The following ALDH1A2 variants were observed in gnomAD, a reference collection of about 807,000 sequenced individuals.
ALDH1A2 encodes the protein retinal dehydrogenase 2.
Under a neutral mutation model 60.3 loss-of-function variants are expected in ALDH1A2, and 27 were observed. That is an observed-to-expected ratio of 0.45 (90% CI 0.33 to 0.62). The LOEUF (loss-of-function observed/expected upper bound fraction) is 0.62, where lower values mean the gene tolerates loss of function less well. Among genes scored for constraint, ALDH1A2 ranks in the 20% least tolerant of loss-of-function variants. The probability of loss-of-function intolerance (pLI) is 0.02; values close to 1 mark genes in which losing one functional copy is unlikely to be tolerated. For synonymous variants in ALDH1A2, 289 were observed against 232.4 expected (o/e 1.24, Z -2.21); for missense variants, 581 against 643.8 (o/e 0.90, Z 1.06).
chr15:57,991,997 G>C (rs765934822), intron 7 of ALDH1A2, among the ~76,000 whole-genome samples: 1 of 152,166 alleles, frequency 6.6e-6, no homozygotes, highest in Non-Finnish European at 1.5e-5. Flanking sequence ...AATATACCCT[G>C]CTGTTTTGGT....
chr15:58,056,993 T>C (rs1424959317), intron 1 of ALDH1A2, among the ~76,000 whole-genome samples: 2 of 152,148 alleles, frequency 1.3e-5, no homozygotes, highest in African/African-American at 2.4e-5. Context: ...AGTATAACTA[T>C]GTTGGACAGA....
chr15:57,991,720 CATTA>C (rs1224924888), intron 7 of ALDH1A2: 1 of 152,162 alleles, frequency 6.6e-6, no homozygotes, highest in African/African-American at 2.4e-5. Flanking sequence ...AAGTTATTAA[CATTA>C]ATTTCACGTA....
intron 1 of ALDH1A2, among the ~76,000 whole-genome samples, chr15:58,059,091 A>G (rs893461281): frequency 2.6e-5 from 4 of 152,240 alleles, no homozygotes; most frequent in African/African-American, 9.6e-5. Context: ...ATTTAAACAT[A>G]ACTCAATCTT....
chr15:58,024,132 G>C (rs944270117), intron 1 of ALDH1A2, among the ~76,000 whole-genome samples: 1 of 151,348 alleles, frequency 6.6e-6, no homozygotes, highest in African/African-American at 2.4e-5. Flanking sequence ...AAATATGGAA[G>C]TATAAAACTC....
intron 1 of ALDH1A2, among the ~76,000 whole-genome samples, chr15:58,057,754 C>T (rs956105893): frequency 2.0e-5 from 3 of 152,038 alleles, no homozygotes; most frequent in South Asian, 2.1e-4. Flanking sequence ...AATCCTCTAC[C>T]GCCTCTTCAG....
intron 1 of ALDH1A2, among the ~76,000 whole-genome samples, chr15:58,043,379 T>A (rs1288238583): frequency 1.1e-4 from 16 of 151,976 alleles, no homozygotes; most frequent in African/African-American, 3.9e-4. Flanking sequence ...TACATCTGGG[T>A]TAGTGGATAT....
intron 1 of ALDH1A2, among the ~76,000 whole-genome samples, chr15:58,045,357 C>G (rs571124749): frequency 2.6e-5 from 4 of 152,016 alleles, no homozygotes; most frequent in Admixed American, 2.0e-4. Context: ...GGATCTAGAA[C>G]TAGAAATACC....
intron 7 of ALDH1A2, among the ~76,000 whole-genome samples, chr15:57,988,078 AAC>A (rs1319822635): frequency 1.3e-5 from 2 of 152,186 alleles, no homozygotes; most frequent in African/African-American, 4.8e-5. Context: ...TATGTGAGTA[AAC>A]AGACAATAAT....
intron 5 of ALDH1A2, among the ~76,000 whole-genome samples, chr15:57,993,915 T>C (rs1894971331): frequency 1.3e-5 from 2 of 152,218 alleles, no homozygotes. Flanking sequence ...TCTGGCAAGC[T>C]TGCAAAAATA....
chr15:57,999,703 C>T (rs1449104322), intron 4 of ALDH1A2, among the ~76,000 whole-genome samples: 1 of 151,914 alleles, frequency 6.6e-6, no homozygotes, highest in Non-Finnish European at 1.5e-5. Context: ...CCCAGCAGTC[C>T]CATTACTGAG....
intron 11 of ALDH1A2, 104 bp downstream of exon 11, chr15:57,961,033 G>T: frequency 6.7e-7 from 1 of 1,487,866 alleles, no homozygotes; most frequent in Non-Finnish European, 9.3e-7. Flanking sequence ...GGTGAACTTT[G>T]GTTGCTTTTG....
chr15:57,964,193 T>G, intron 8 of ALDH1A2, 124 bp from the exon 9 acceptor site: 1 of 991,780 alleles, frequency 1.0e-6, no homozygotes, highest in Non-Finnish European at 1.5e-6. Context: ...TAACCATGAA[T>G]AGCCCTGGAT....
At chr15:58,008,245 T>C (rs76945700) in intron 4 of ALDH1A2, among the ~76,000 whole-genome samples, 2 of 152,098 alleles carry the variant, frequency 1.3e-5, no homozygotes, top group African/African-American at 2.4e-5. Flanking sequence ...AAAAACTTTT[T>C]GGGGAAAAAC....
At chr15:58,036,526 T>C (rs1470438951) in intron 1 of ALDH1A2, 5 of 151,412 alleles carry the variant, frequency 3.3e-5, no homozygotes, top group Admixed American at 2.0e-4. Context: ...CCCTCCCACA[T>C]CCTCCCGTCA....
intron 1 of ALDH1A2, among the ~76,000 whole-genome samples, chr15:58,021,747 G>A (rs1275330599): frequency 4.6e-5 from 7 of 152,258 alleles, no homozygotes; most frequent in African/African-American, 9.6e-5. Flanking sequence ...TTACTGCTGG[G>A]ACAGCAGGGC....
intron 4 of ALDH1A2, among the ~76,000 whole-genome samples, chr15:58,008,475 T>C (rs1434486809): frequency 6.6e-6 from 1 of 152,038 alleles, no homozygotes; most frequent in Non-Finnish European, 1.5e-5. Context: ...CAGATCAAGT[T>C]ACATTAAAGC....
intron 12 of ALDH1A2, among the ~76,000 whole-genome samples, chr15:57,959,203 A>G (rs1362034726): frequency 6.6e-6 from 1 of 152,214 alleles, no homozygotes; most frequent in African/African-American, 2.4e-5. Context: ...CAAAACAATC[A>G]ATGCAAGCAG....
intron 1 of ALDH1A2, chr15:58,058,178 G>A: frequency 3.8e-6 from 4 of 1,048,198 alleles, no homozygotes; most frequent in South Asian, 1.4e-5. Context: ...ACCTTCCCAG[G>A]CAAAGCCTTC....
chr15:58,013,744 T>A, intron 3 of ALDH1A2, 114 bp downstream of exon 3: 1 of 1,392,480 alleles, frequency 7.2e-7, no homozygotes. Context: ...AGAGCTAGAC[T>A]CCGTCTCAAA....
Sources: allele counts gnomAD v4.1 joint callset (sites outside exome capture counted in the v4.1 genomes callset), GRCh38; gene constraint gnomAD v4.1.1; transcripts MANE v1.5; gene names NCBI Gene and HGNC (gene_info 2026-07-23, HGNC 2026-07-21).